Variants in RNF213 observed in about 807,000 individuals in gnomAD.
The protein encoded by RNF213 is E3 ubiquitin-protein ligase RNF213.
RNF213 carries 341 observed loss-of-function variants against 514.4 expected under a neutral mutation model. The ratio of observed to expected loss-of-function variants is 0.66; its 90% CI spans 0.61 to 0.73. The LOEUF is 0.73. Among genes scored for constraint, RNF213 ranks in the 30% least tolerant of loss-of-function variants. RNF213 has a pLI of 0.00. For missense variants in RNF213, 5,767 were observed against 6,615.6 expected (o/e 0.87, Z 4.45); for synonymous variants, 2,655 against 2,658.2 (o/e 1.00, Z 0.04).
chr17:80,381,513 C>A (rs376547997), intron 56 of RNF213, 34 bp from the exon 57 acceptor site: 1 of 1,610,516 alleles, frequency 6.2e-7, no homozygotes, highest in Non-Finnish European at 8.5e-7. Context: ...CAAACCAGAT[C>A]CCCGCTGAAC....
At position 80,382,975 on chromosome 17, in the gene RNF213, G is replaced by A. The variant is rs1247194607; in HGVS notation, c.13979-4G>A. 6.2e-7 allele frequency: 1 copy of A among 1,609,364 alleles called. No individual in the cohort carries two copies. Among genetic ancestry groups the A allele is most frequent in the Non-Finnish European group, 8.5e-7 (1 of 1,175,742 alleles). ...TAACCTACACATTTGGAGTTTTTTT[G>A]TAGGGCTTTTAAATTTTGACACAGA... On this transcript the variant is annotated splice_polypyrimidine_tract_variant and splice_region_variant and intron_variant, in intron 57 of 67. Transcript: ENST00000582970.
At chr17:80,280,318 G>GA (rs1404482186) in intron 3 of RNF213, among the ~76,000 whole-genome samples, 1 of 152,234 alleles carries the variant, frequency 6.6e-6, no homozygotes, top group Non-Finnish European at 1.5e-5. Flanking sequence ...AGTCCGTGGA[G>GA]AGGTGGGCCC....
chr17:80,344,531 G>GA (rs916663031), intron 28 of RNF213, 147 bp from the exon 29 acceptor site: 3 of 895,722 alleles, frequency 3.3e-6, no homozygotes, highest in Non-Finnish European at 3.5e-6. Flanking sequence ...ATATGCTGTG[G>GA]AAAAAAAGAC....
chr17:80,278,853 G>A, intron 3 of RNF213: 1 of 1,537,236 alleles, frequency 6.5e-7, no homozygotes, highest in Non-Finnish European at 8.7e-7. Context: ...GCAAGAGAAG[G>A]AAGCAGGATG....
At position 80,288,620 on chromosome 17, in the gene RNF213, T is replaced by C. The variant is rs746394718; in HGVS notation, c.811-13T>C. 1.2e-6 allele frequency: 2 copies of C among 1,614,182 alleles called. No homozygotes were observed. Among genetic ancestry groups the C allele is most frequent in the Non-Finnish European group, 1.7e-6 (2 of 1,180,034 alleles). ...ATTTTGTCACCTTGGCTCTGGTGTT[T>C]GGGGTCTTTCAGGCAGTTGATGCTG... is the stretch of plus-strand genomic sequence containing the variant. On this transcript the variant is annotated splice_polypyrimidine_tract_variant and intron_variant, in intron 4 of 67. Transcript: ENST00000582970. This position sits in a 1 kb window ranked among gnomAD's most constrained non-coding sequence, Gnocchi z 4.9.
Position 80,344,803 on chromosome 17 carries a change from G to A in RNF213, c.6468G>A (p.Leu2156=). 1 of 1,614,224 alleles carries A rather than the reference G, an allele frequency of 6.2e-7. No individual in the cohort carries two copies. Among genetic ancestry groups the A allele is most frequent in the Non-Finnish European group, 8.5e-7 (1 of 1,180,042 alleles). Residue 2156 remains leucine, a synonymous_variant, in exon 29 of 68, where the codon CTG becomes CTA. Coordinates refer to ENST00000582970, the MANE Select transcript of RNF213 (RefSeq NM_001256071.3). Reference sequence around the variant, plus strand: ...GTGACACAGAGCCTGGGATGGATCTGTGGGAGTTCTGCAGCGAAACTTTCC... The same window carrying A: ...GTGACACAGAGCCTGGGATGGATCTATGGGAGTTCTGCAGCGAAACTTTCC... ...LRSDTEPGMD[L]WEFCSETFQR...
At position 80,363,286 on chromosome 17, in the gene RNF213, G is replaced by A. The variant is rs1472128114; in HGVS notation, c.11540G>A (p.Trp3847Ter). The A allele has an allele frequency of 1.7e-5, 28 of 1,613,850 alleles. No individual in the cohort carries two copies. The highest frequency in any genetic ancestry group is 2.3e-5 in the Non-Finnish European group (27 of 1,180,050). Residue 3847 changes from tryptophan (W) to a stop codon, truncating the protein, a stop_gained, in exon 40 of 68, where the codon TGG (tryptophan) becomes TAG (stop). Coordinates refer to ENST00000582970, the MANE Select transcript of RNF213 (RefSeq NM_001256071.3). LOFTEE classifies it high-confidence loss of function. ...CTCCACAGCCTGATGGAAGCCCGTT[G>A]GAACCATGAGCTGGCTGGATGTGAG... ...QVLHSLMEAR[W>*]NHELAGCEMT...
intron 3 of RNF213, among the ~76,000 whole-genome samples, chr17:80,281,434 TCACA>T (rs1283994539): frequency 2.2e-5 from 1 of 44,932 alleles, no homozygotes; most frequent in African/African-American, 7.9e-5. Flanking sequence ...TTCACACCAC[TCACA>T]CACCCTGCAA....
At chr17:80,328,253 G>A (rs756471305) in intron 19 of RNF213, 75 bp from the exon 20 acceptor site, 60 of 1,462,890 alleles carry the variant, frequency 4.1e-5, no homozygotes, top group Non-Finnish European at 4.8e-5. Flanking sequence ...AAGGTGCGGC[G>A]CTTTCAAAGC....
At position 80,388,689 on chromosome 17, in the gene RNF213, G is replaced by A; in HGVS notation, c.15000G>A (p.Gln5000=). Residue 5000 remains glutamine, a splice_region_variant and synonymous_variant, in exon 64 of 68, where the codon CAG becomes CAA. Coordinates refer to ENST00000582970, the MANE Select transcript of RNF213 (RefSeq NM_001256071.3). Reference sequence around the variant, plus strand: ...TGGACATCAAGAACAAAATGGCACAGGTGATCCCGATAAACCTGATCCTGT... The same window carrying A: ...TGGACATCAAGAACAAAATGGCACAAGTGATCCCGATAAACCTGATCCTGT... ...LFMDIKNKMA[Q]DSLPSSVISA... is the part of the protein sequence containing the mutation. The A allele has an allele frequency of 1.2e-6, 2 of 1,606,606 alleles. No individual in the cohort carries two copies. The highest frequency in any genetic ancestry group is 1.7e-6 in the Non-Finnish European group (2 of 1,174,098).
At position 80,363,621 on chromosome 17, in the gene RNF213, T is replaced by C. The variant is rs1239845556; in HGVS notation, c.11581T>C (p.Phe3861Leu). 1 of 1,613,670 alleles carries C rather than the reference T, an allele frequency of 6.2e-7. No homozygotes were observed. Among genetic ancestry groups the C allele is most frequent in the East Asian group, 2.2e-5 (1 of 44,882 alleles). ...LAGCEMTLDA[F>L]AAMACTEMLT... ...TCCGTCTCCCCAGACCCTGGACGCA[T>C]TTGCCGCAATGGCCTGCACGGAGAT... The change falls in exon 41 of 68, where the codon TTT becomes CTT. Residue 3861 changes from phenylalanine (F) to leucine (L), a missense_variant. Phe to Leu is a conservative substitution (Grantham distance 22). Transcript: ENST00000582970.
intron 55 of RNF213, 108 bp from the exon 56 acceptor site, chr17:80,380,723 C>A: frequency 1.5e-6 from 2 of 1,294,824 alleles, no homozygotes; most frequent in Non-Finnish European, 2.2e-6. Flanking sequence ...AAGTACTCTT[C>A]ACATAACTCT....
chr17:80,281,411 G>C (rs1276483028), intron 3 of RNF213, among the ~76,000 whole-genome samples: 4 of 34,780 alleles, frequency 1.2e-4, no homozygotes, highest in Admixed American at 9.0e-4. Context: ...ACACCCCCAA[G>C]ACAAACACCC....
intron 8 of RNF213, among the ~76,000 whole-genome samples, chr17:80,292,463 T>G (rs1396738185): frequency 6.6e-6 from 1 of 151,894 alleles, no homozygotes; most frequent in African/African-American, 2.4e-5. Flanking sequence ...GGGAGCTGGG[T>G]CAGGGACAAG....
At chr17:80,338,616 T>C (rs2078055649) in intron 25 of RNF213, among the ~76,000 whole-genome samples, 3 of 147,986 alleles carry the variant, frequency 2.0e-5, no homozygotes, top group South Asian at 4.3e-4. Context: ...AGACCCTGTC[T>C]CAAAAAGTAT....
At position 80,386,895 on chromosome 17, in the gene RNF213, G is replaced by T; in HGVS notation, c.14922+4G>T. On this transcript the variant is annotated splice_donor_region_variant and intron_variant, in intron 63 of 67. Coordinates refer to ENST00000582970, the MANE Select transcript of RNF213 (RefSeq NM_001256071.3). ...CAAGCCCCGGCTGAGCCTCAAGGTA[G>T]GGCTGACTCCTGCCACTGCTGCTCA... is the stretch of plus-strand genomic sequence containing the variant. 1.2e-6 allele frequency: 2 copies of T among 1,608,616 alleles called. No individual in the cohort carries two copies. The highest frequency in any genetic ancestry group is 1.1e-5 in the South Asian group (1 of 90,472).
chr17:80,364,296 T>C lies in RNF213; in HGVS notation c.11751-137T>C, dbSNP rs534960573. ...GGGGCGGGCCAGGAAGTATGTCACA[T>C]AGGGCTTGCTTGTAATCCCAGCCGC... On this transcript the variant is annotated intron_variant, in intron 41 of 67. Coordinates refer to ENST00000582970, the MANE Select transcript of RNF213 (RefSeq NM_001256071.3). 1.7e-5 allele frequency: 20 copies of C among 1,187,330 alleles called. No homozygotes were observed. In the Middle Eastern group the frequency reaches 1.6e-3, roughly 97 times the overall value. 73.5% of individuals were successfully genotyped at this position (1,187,330 alleles called of 1,614,324 possible).
chr17:80,376,216 T>C, intron 51 of RNF213, 85 bp from the exon 52 acceptor site: 1 of 1,459,652 alleles, frequency 6.9e-7, no homozygotes, highest in Non-Finnish European at 9.6e-7. Flanking sequence ...TGATATTTGA[T>C]GTGTATTTGG....
intron 6 of RNF213, 127 bp downstream of exon 6, chr17:80,289,964 TG>T: frequency 9.2e-7 from 1 of 1,088,452 alleles, no homozygotes; most frequent in Non-Finnish European, 1.4e-6. Context: ...AGTTTAACTT[TG>T]GGGGAAAAGG....
Sources: allele counts gnomAD v4.1 joint callset (sites outside exome capture counted in the v4.1 genomes callset), GRCh38; gene constraint gnomAD v4.1.1; non-coding constraint Gnocchi (gnomAD v3.1); transcripts MANE v1.5; gene names NCBI Gene and HGNC (gene_info 2026-07-23, HGNC 2026-07-21).